Variants in TBC1D1 observed in about 807,000 individuals in gnomAD.
TBC1D1 encodes TBC1 (tre-2/USP6, BUB2, cdc16) domain family, member 1.
In TBC1D1, 89 loss-of-function variants were observed where a neutral mutation model predicts 125.6. That is an observed-to-expected ratio of 0.71 (90% CI 0.60 to 0.85). The LOEUF is 0.85. Ranked by LOEUF, TBC1D1 falls within the 40% of genes least tolerant of loss-of-function variation. TBC1D1 has a pLI of 0.00. For synonymous variants in TBC1D1, 565 were observed against 564.1 expected, an observed-to-expected ratio of 1.00 and a Z score of -0.02; for missense variants, 1,377 against 1,469.2, an observed-to-expected ratio of 0.94 and a Z score of 1.03.
intron 12 of TBC1D1, among the ~76,000 whole-genome samples, chr4:38,087,574 G>A (rs1330971977): frequency 6.6e-6 from 1 of 152,066 alleles, no homozygotes; most frequent in African/African-American, 2.4e-5. Context: ...GGACATGGTG[G>A]CTCACACCTG....
At chr4:38,059,816 A>G (rs2152495107) in intron 12 of TBC1D1, among the ~76,000 whole-genome samples, 1 of 152,210 alleles carries the variant, frequency 6.6e-6, no homozygotes, top group South Asian at 2.1e-4. Context: ...TGTACCTATC[A>G]ACCCATCACC....
At chr4:38,042,809 G>C (rs1578398346) in intron 8 of TBC1D1, among the ~76,000 whole-genome samples, 1 of 152,280 alleles carries the variant, frequency 6.6e-6, no homozygotes, top group African/African-American at 2.4e-5. Flanking sequence ...TGATACAAAG[G>C]TATTTGTTAT....
intron 2 of TBC1D1, among the ~76,000 whole-genome samples, chr4:37,992,388 C>A (rs1736770514): frequency 6.6e-6 from 1 of 151,938 alleles, no homozygotes; most frequent in African/African-American, 2.4e-5. Context: ...GCCCAGTTAC[C>A]TAGAAGGCAT....
intron 12 of TBC1D1, among the ~76,000 whole-genome samples, chr4:38,083,149 C>T (rs1464534223): frequency 6.6e-6 from 1 of 152,088 alleles, no homozygotes; most frequent in African/African-American, 2.4e-5. Flanking sequence ...TGTGTCTGAT[C>T]CACTAGGCTG....
chr4:38,057,064 CCT>C (rs1358457535), intron 12 of TBC1D1, among the ~76,000 whole-genome samples: 2 of 152,094 alleles, frequency 1.3e-5, no homozygotes, highest in African/African-American at 4.8e-5. Flanking sequence ...CGTAATCACC[CCT>C]GATTCATCAG....
At chr4:37,981,767 A>G (rs1441834826) in intron 2 of TBC1D1, among the ~76,000 whole-genome samples, 1 of 151,910 alleles carries the variant, frequency 6.6e-6, no homozygotes, top group African/African-American at 2.4e-5. Flanking sequence ...TGGGGTTTGG[A>G]TTTGCTTTTA....
rs189404552 is a variant in TBC1D1 at position 38,104,934 on chromosome 4, T to C, written c.2557+1777T>C. Among the ~76,000 whole-genome samples, 174 of 152,164 alleles carry C rather than the reference T, an allele frequency of 1.1e-3. 1 individual carries two copies. The highest frequency in any genetic ancestry group is 4.0e-3 in the African/African-American group (164 of 41,512). On this transcript the variant is annotated intron_variant, in intron 15 of 19. Transcript: ENST00000261439. Reference sequence around the variant, plus strand: ...CCATGCCTAGCTAATTTTTTGTATTTTTAGTAGAGACGGGGTTTCACCGTG... The same window carrying C: ...CCATGCCTAGCTAATTTTTTGTATTCTTAGTAGAGACGGGGTTTCACCGTG...
chr4:38,102,766 A>G (rs1411927463), intron 14 of TBC1D1, among the ~76,000 whole-genome samples: 2 of 152,030 alleles, frequency 1.3e-5, no homozygotes, highest in African/African-American at 4.8e-5. Context: ...CTATAATTTC[A>G]GCTACTTGGG....
intron 14 of TBC1D1, among the ~76,000 whole-genome samples, chr4:38,100,507 C>T (rs1440228216): frequency 2.6e-5 from 4 of 152,214 alleles, no homozygotes; most frequent in Admixed American, 6.5e-5. Context: ...ATGCTCTCCT[C>T]CTCCCAAAGT....
At chr4:38,091,544 A>G (rs1486326890) in intron 13 of TBC1D1, among the ~76,000 whole-genome samples, 1 of 152,218 alleles carries the variant, frequency 6.6e-6, no homozygotes, top group East Asian at 1.9e-4. Flanking sequence ...TTTTTGTTGA[A>G]GAGGAAAAAG....
At position 38,096,095 on chromosome 4, in the gene TBC1D1, G is replaced by A; in HGVS notation, c.2398+5G>A. On this transcript the variant is annotated splice_donor_5th_base_variant and intron_variant, in intron 14 of 19. Transcript: ENST00000261439. ...TGCACTCGGCTGTTGGGCAAGGTAA[G>A]CTTCATTGGGAAGCATCTAGTCAAC... The A allele has an allele frequency of 6.2e-7, 1 of 1,610,882 alleles. No individual in the cohort carries two copies. The highest frequency in any genetic ancestry group is 8.5e-7 in the Non-Finnish European group (1 of 1,178,258).
chr4:38,123,229 G>A (rs542856905), intron 17 of TBC1D1, among the ~76,000 whole-genome samples: 7 of 152,098 alleles, frequency 4.6e-5, no homozygotes, highest in Non-Finnish European at 1.0e-4. Flanking sequence ...TGCAAAAAAG[G>A]TCTTGATTTT....
At chr4:38,085,897 C>T (rs908254005) in intron 12 of TBC1D1, among the ~76,000 whole-genome samples, 3 of 152,282 alleles carry the variant, frequency 2.0e-5, no homozygotes, top group African/African-American at 7.2e-5. Flanking sequence ...TCTCCTTGAC[C>T]TGCCACTCCA....
chr4:37,962,843 G>T (rs1270840775), intron 2 of TBC1D1, among the ~76,000 whole-genome samples: 1 of 152,130 alleles, frequency 6.6e-6, no homozygotes, highest in African/African-American at 2.4e-5. Context: ...GATAAAAAAA[G>T]AAAGTGTTTT....
At chr4:37,975,220 C>T (rs1361985246) in intron 2 of TBC1D1, among the ~76,000 whole-genome samples, 1 of 152,162 alleles carries the variant, frequency 6.6e-6, no homozygotes, top group African/African-American at 2.4e-5. Flanking sequence ...GGGGCCCTTC[C>T]CTGCCTGGCA....
chr4:38,010,365 C>G (rs1199020442), intron 2 of TBC1D1, among the ~76,000 whole-genome samples: 1 of 152,104 alleles, frequency 6.6e-6, no homozygotes, highest in Non-Finnish European at 1.5e-5. Flanking sequence ...CCTGCGATTC[C>G]TTAGTTTCTC....
chr4:37,950,396 G>A (rs1259094385), intron 2 of TBC1D1, among the ~76,000 whole-genome samples: 2 of 151,500 alleles, frequency 1.3e-5, no homozygotes, highest in African/African-American at 4.9e-5. Flanking sequence ...CTTGTGAATG[G>A]TTCATAAAGT....
At chr4:38,094,163 G>C (rs959740426) in intron 13 of TBC1D1, among the ~76,000 whole-genome samples, 1 of 152,010 alleles carries the variant, frequency 6.6e-6, no homozygotes, top group African/African-American at 2.4e-5. Context: ...TTTCCATTCT[G>C]AGCTTTCAAG....
At chr4:38,096,861 T>C (rs544552147) in intron 14 of TBC1D1, among the ~76,000 whole-genome samples, 7 of 152,296 alleles carry the variant, frequency 4.6e-5, no homozygotes, top group African/African-American at 1.7e-4. Flanking sequence ...AATATCAGCC[T>C]GTAGTAGATT....
Sources: gnomAD v4.1 joint callset for allele counts (sites outside exome capture counted in the v4.1 genomes callset) on GRCh38, gnomAD v4.1.1 for gene constraint, MANE v1.5 for transcripts, NCBI Gene and HGNC (gene_info 2026-07-23, HGNC 2026-07-21) for gene names.